ZFHX3: variants seen among roughly 807,000 people sequenced by gnomAD.
ZFHX3 encodes the protein zinc finger homeobox 3, also known as zinc finger homeobox protein 3.
Under a neutral mutation model 279.1 loss-of-function variants are expected in ZFHX3, and 42 were observed. The ratio of observed to expected loss-of-function variants is 0.15; its 90% CI spans 0.12 to 0.19. The LOEUF is 0.19. Ranked by LOEUF, ZFHX3 falls within the 10% of genes least tolerant of loss-of-function variation. The pLI is 1.00. For synonymous variants in ZFHX3, 2,293 were observed against 1,957.8 expected, an observed-to-expected ratio of 1.17 and a Z score of -4.52; for missense variants, 4,981 against 4,754.0, an observed-to-expected ratio of 1.05 and a Z score of -1.40.
intron 1 of ZFHX3, among the ~76,000 whole-genome samples, chr16:73,865,679 G>C (rs1186520194): frequency 1.3e-5 from 2 of 152,088 alleles, no homozygotes; most frequent in South Asian, 4.1e-4. Flanking sequence ...CCAGTCATCT[G>C]TTAAAACATG....
chr16:73,820,742 G>A (rs116142524), intron 1 of ZFHX3, among the ~76,000 whole-genome samples: 2,380 of 151,962 alleles, frequency 0.016, 65 homozygotes, highest in African/African-American at 0.054. Context: ...TTGTTATACA[G>A]CAATATGTAA....
intron 5 of ZFHX3, among the ~76,000 whole-genome samples, chr16:73,174,266 A>AAACAACAACAACAACAACAAC (rs140975222): frequency 6.7e-6 from 1 of 149,008 alleles, no homozygotes; most frequent in Non-Finnish European, 1.5e-5. Flanking sequence ...TGTTCACACA[A>AAACAACAACAACAACAACAAC]AACAACAACA....
chr16:73,360,523 G>T (rs1297764205), intron 3 of ZFHX3, among the ~76,000 whole-genome samples: 1 of 152,156 alleles, frequency 6.6e-6, no homozygotes, highest in Non-Finnish European at 1.5e-5. Flanking sequence ...ATTTTTAGTA[G>T]AGACAGGGTT....
chr16:73,771,434 A>G (rs2054016644), intron 1 of ZFHX3, among the ~76,000 whole-genome samples: 1 of 152,222 alleles, frequency 6.6e-6, no homozygotes, highest in African/African-American at 2.4e-5. Context: ...AAATGAGGTC[A>G]TACCACATGA....
At chr16:73,765,722 A>G (rs1158106772) in intron 1 of ZFHX3, among the ~76,000 whole-genome samples, 1 of 152,224 alleles carries the variant, frequency 6.6e-6, no homozygotes, top group Non-Finnish European at 1.5e-5. Context: ...AGAAAATAGC[A>G]GGTCTAATTT....
chr16:73,074,585 T>C (rs943636915), intron 8 of ZFHX3, among the ~76,000 whole-genome samples: 4 of 151,846 alleles, frequency 2.6e-5, no homozygotes, highest in Admixed American at 2.6e-4. Flanking sequence ...AGAATGATAA[T>C]GACAATGATG....
chr16:73,613,004 G>A (rs528020454), intron 2 of ZFHX3, among the ~76,000 whole-genome samples: 1 of 152,262 alleles, frequency 6.6e-6, no homozygotes, highest in African/African-American at 2.4e-5. Flanking sequence ...AAAATTAGAG[G>A]AGAAAATTCT....
intron 1 of ZFHX3, among the ~76,000 whole-genome samples, chr16:73,695,763 A>T (rs2053192129): frequency 6.6e-6 from 1 of 152,170 alleles, no homozygotes; most frequent in Non-Finnish European, 1.5e-5. Flanking sequence ...TGCCTGGCTC[A>T]CAGCAGGTGC....
chr16:73,824,074 A>G (rs989747145), intron 1 of ZFHX3, among the ~76,000 whole-genome samples: 1 of 152,160 alleles, frequency 6.6e-6, no homozygotes, highest in African/African-American at 2.4e-5. Context: ...AATAAACGAA[A>G]ACGATGTGCT....
rs1319013003 is a variant in ZFHX3, at chr16:73,460,527, G to A, written c.-1546-4269C>T. 2.0e-5 allele frequency among the ~76,000 whole-genome samples: 3 copies of A among 152,154 alleles called. No individual in the cohort carries two copies. In the East Asian group the frequency reaches 5.8e-4, roughly 29 times the overall value. On this transcript the variant is annotated intron_variant, in intron 2 of 17. Transcript: ENST00000641206. Reference sequence around the variant, plus strand: ...TTGTAGGGTGGTGTAATTGCTTGTTGTTGTTGTTGTTTTTATGAAACTCCC... The same window carrying A: ...TTGTAGGGTGGTGTAATTGCTTGTTATTGTTGTTGTTTTTATGAAACTCCC...
rs778717617 is a variant in ZFHX3 at position 72,796,486 on chromosome 16, C to T, written c.6196G>A (p.Ala2066Thr). 36 of 1,234,586 alleles carry T rather than the reference C, an allele frequency of 2.9e-5. No homozygotes were observed. Among genetic ancestry groups the T allele is most frequent in the Admixed American group, 4.8e-5 (2 of 41,412 alleles). 76.5% of individuals were successfully genotyped at this position (1,234,586 alleles called of 1,614,324 possible). A position where few individuals can be genotyped will look rare whatever the true frequency, so the allele number is the denominator to read the frequency against. The part of the protein sequence containing the change: ...PQPASTPAIP[A>T]SAPPITSPTI... ...GGTGAGGTGATGGGTGGGGCTGATG[C>T]GGGGATGGCTGGTGTGGACGCCGGC... The change falls in exon 9 of 10, where the codon GCA (alanine) becomes ACA (threonine). Residue 2066 changes from alanine to threonine, a missense_variant. By Grantham distance (58) the Ala-to-Thr change is moderately conservative. Transcript: ENST00000268489.
At chr16:73,123,912 T>C (rs1966528994) in intron 7 of ZFHX3, among the ~76,000 whole-genome samples, 1 of 152,082 alleles carries the variant, frequency 6.6e-6, no homozygotes, top group Non-Finnish European at 1.5e-5. Flanking sequence ...AGATACCAAA[T>C]TTGCCAGTAC....
chr16:72,983,168 T>C (rs1397031701), intron 1 of ZFHX3, among the ~76,000 whole-genome samples: 5 of 152,330 alleles, frequency 3.3e-5, no homozygotes, highest in African/African-American at 9.6e-5. Context: ...CCTACCGTGA[T>C]AGAAAACAAT....
chr16:72,823,885 A>AT lies in ZFHX3; in HGVS notation c.3529+5893dup, dbSNP rs527384334. On this transcript the variant is annotated intron_variant, in intron 5 of 9. Coordinates refer to ENST00000268489, the MANE Select transcript of ZFHX3 (RefSeq NM_006885.4). The stretch of plus-strand genomic sequence containing the variant: ...GGCTTCTGACTCCTACGAGTCCTGT[A>AT]TTTTTCCTAACACGTTTCCTCTCAG... Among the ~76,000 whole-genome samples, 9 of 152,168 alleles carry AT rather than the reference A, an allele frequency of 5.9e-5. No individual in the cohort carries two copies. The East Asian group carries it at 1.7e-3, about 29-fold the overall frequency.
chr16:73,888,677 G>A (rs1330704092), intron 1 of ZFHX3, among the ~76,000 whole-genome samples: 3 of 152,148 alleles, frequency 2.0e-5, no homozygotes, highest in Admixed American at 6.5e-5. Flanking sequence ...TTCAGATGCC[G>A]ATTCTGAAAA....
upstream of ZFHX3, among the ~76,000 whole-genome samples, chr16:73,052,436 C>T (rs1965468577): frequency 6.6e-6 from 1 of 151,938 alleles, no homozygotes; most frequent in South Asian, 2.1e-4. Context: ...CAAAAGATGA[C>T]CTTTTTCACG....
intron 1 of ZFHX3, among the ~76,000 whole-genome samples, chr16:73,728,144 A>G (rs917484411): frequency 1.4e-4 from 22 of 151,836 alleles, no homozygotes; most frequent in Middle Eastern, 6.8e-3. Context: ...GATGGACTTA[A>G]TTCCAATCTG....
rs547627439 is a variant in ZFHX3, at chr16:73,814,826, C to T, written c.-1608+76825G>A. The stretch of plus-strand genomic sequence containing the variant: ...TAGGTGATGTGCCCACCTCGGCCTC[C>T]CAAAGTGCTGGGATTACAGGAGTGA... On this transcript the variant is annotated intron_variant, in intron 1 of 17. Transcript: ENST00000641206. 3.3e-5 allele frequency among the ~76,000 whole-genome samples: 5 copies of T among 152,240 alleles called. No homozygotes were observed. The South Asian group carries it at 1.0e-3, about 32-fold the overall frequency.
At chr16:72,873,714 A>T (rs2038224508) in intron 4 of ZFHX3, among the ~76,000 whole-genome samples, 1 of 152,202 alleles carries the variant, frequency 6.6e-6, no homozygotes, top group East Asian at 1.9e-4. Flanking sequence ...GAAGACGAAA[A>T]TTGTCCATAA....
Sources: gnomAD v4.1 joint callset for allele counts (sites outside exome capture counted in the v4.1 genomes callset) on GRCh38, gnomAD v4.1.1 for gene constraint, MANE v1.5 for transcripts, NCBI Gene and HGNC (gene_info 2026-07-23, HGNC 2026-07-21) for gene names.